The following ZNF577 variants were observed in gnomAD, a reference collection of about 807,000 sequenced individuals.
The protein encoded by ZNF577 is zinc finger protein 577.
A neutral mutation model predicts 13.9 loss-of-function variants in ZNF577; 14 were observed. The observed-to-expected ratio is 1.00, with a 90% CI of 0.66 to 1.57. The LOEUF (loss-of-function observed/expected upper bound fraction) is 1.57. Ranked by LOEUF, ZNF577 falls within the 40% of genes most tolerant of loss-of-function variation. The pLI, the probability that ZNF577 is intolerant of heterozygous loss-of-function variation, is 0.00. For missense variants in ZNF577, 555 were observed against 579.2 expected (o/e 0.96, Z 0.43); for synonymous variants, 203 against 202.9 (o/e 1.00, Z 0.00).
chr19:51,847,850 C>G (rs138132571), intron 5 of ZNF577, among the ~76,000 whole-genome samples: 2 of 152,190 alleles, frequency 1.3e-5, no homozygotes, highest in Non-Finnish European at 2.9e-5. Context: ...AGCTTCCATA[C>G]GTCATTTCCT....
chr19:51,851,647 CACACAGACCCTA>C (rs1339606940), intron 5 of ZNF577, among the ~76,000 whole-genome samples: 3 of 152,100 alleles, frequency 2.0e-5, no homozygotes, highest in Admixed American at 1.3e-4. Context: ...CACCTTATTT[CACACAGACCCTA>C]ACACAGACTC....
At chr19:51,845,349 C>T (rs986866611) in intron 5 of ZNF577, among the ~76,000 whole-genome samples, 2 of 151,878 alleles carry the variant, frequency 1.3e-5, no homozygotes, top group African/African-American at 2.4e-5. Flanking sequence ...CCAAATTATC[C>T]GTGGTGGTGT....
chr19:51,878,616 T>C lies in ZNF577; in HGVS notation c.61-101A>G, dbSNP rs1466772368. The C allele has an allele frequency of 6.3e-6, 9 of 1,427,076 alleles. No individual in the cohort carries two copies. The East Asian group carries it at 9.2e-5, about 15-fold the overall frequency. The allele number at this position is 1,427,076 out of a possible 1,614,324, so 88.4% of individuals were successfully genotyped here. A position where few individuals can be genotyped will look rare whatever the true frequency, so the allele number is the denominator to read the frequency against. ...TGATCCTTTTCTCCATGACAACGTA[T>C]GCACACCATGGCTATTTCACATACC... On this transcript the variant is annotated intron_variant, in intron 3 of 5. Transcript: ENST00000638348.
intron 9 of ZNF577, among the ~76,000 whole-genome samples, chr19:51,813,398 C>T (rs1187167132): frequency 6.6e-6 from 1 of 152,012 alleles, no homozygotes; most frequent in African/African-American, 2.4e-5. Context: ...TTGGTATGAG[C>T]AACCTCATTT....
At chr19:51,842,274 C>T (rs1440759150) in intron 8 of ZNF577, among the ~76,000 whole-genome samples, 1 of 152,056 alleles carries the variant, frequency 6.6e-6, no homozygotes, top group African/African-American at 2.4e-5. Flanking sequence ...CTGATGTGTC[C>T]CCCAAAACTC....
intron 9 of ZNF577, among the ~76,000 whole-genome samples, chr19:51,812,926 G>C (rs770352119): frequency 7.9e-5 from 12 of 152,106 alleles, no homozygotes; most frequent in Non-Finnish European, 1.8e-4. Context: ...TTTGAGACCA[G>C]CCTGGCCAAC....
intron 9 of ZNF577, chr19:51,823,782 A>G: frequency 6.2e-7 from 1 of 1,608,418 alleles, no homozygotes; most frequent in Non-Finnish European, 8.5e-7. Context: ...TCTGAATGAA[A>G]CTGAGGAGGT....
Position 51,836,792 on chromosome 19 carries a change from C to G in ZNF577, c.*599+3101G>C, listed in dbSNP as rs2084289467. ...GGTGCAGTAGCTCACGCCTGTAATA[C>G]CAGCACTTTGGGAGGCTGCGGCGGG... On this transcript the variant is annotated intron_variant and NMD_transcript_variant, in intron 9 of 10. Transcript: ENST00000638827. Among the ~76,000 whole-genome samples, 2 of 152,104 alleles carry G rather than the reference C, an allele frequency of 1.3e-5. 1 individual carries two copies. The highest frequency in any genetic ancestry group is 1.3e-4 in the Admixed American group (2 of 15,278).
At chr19:51,847,058 C>G (rs2084356566) in intron 5 of ZNF577, among the ~76,000 whole-genome samples, 1 of 151,964 alleles carries the variant, frequency 6.6e-6, no homozygotes, top group African/African-American at 2.4e-5. Context: ...GGTATCTTGC[C>G]CAAAGTCACA....
intron 9 of ZNF577, among the ~76,000 whole-genome samples, chr19:51,811,830 G>A (rs961984449): frequency 1.3e-5 from 2 of 152,184 alleles, no homozygotes; most frequent in Non-Finnish European, 2.9e-5. Context: ...GGGAGTAGTC[G>A]TGAGTTTGCC....
intron 9 of ZNF577, among the ~76,000 whole-genome samples, chr19:51,821,969 T>C (rs2084193238): frequency 6.6e-6 from 1 of 152,202 alleles, no homozygotes; most frequent in Admixed American, 6.5e-5. Flanking sequence ...TAAAAATCAC[T>C]GTAGCTTTTA....
At chr19:51,827,976 C>T (rs1271355721) in intron 9 of ZNF577, among the ~76,000 whole-genome samples, 1 of 152,068 alleles carries the variant, frequency 6.6e-6, no homozygotes, top group Non-Finnish European at 1.5e-5. Flanking sequence ...AGGCAGAGCA[C>T]TTTGCGCATT....
chr19:51,807,850 C>T (rs2084070388), intron 10 of ZNF577, among the ~76,000 whole-genome samples: 1 of 152,182 alleles, frequency 6.6e-6, no homozygotes, highest in African/African-American at 2.4e-5. Flanking sequence ...GGATCATATC[C>T]TGTAAGCATT....
chr19:51,822,789 G>A (rs887681657), intron 9 of ZNF577, among the ~76,000 whole-genome samples: 6 of 152,158 alleles, frequency 3.9e-5, no homozygotes, highest in African/African-American at 1.2e-4. Flanking sequence ...AAAAGCAGAC[G>A]GGAGAAAGTA....
rs1185195948 is a variant in ZNF577, at chr19:51,824,764, C to A, written c.*600-13090G>T. On this transcript the variant is annotated intron_variant and NMD_transcript_variant, in intron 9 of 10. Coordinates refer to the ZNF577 transcript ENST00000638827. This position sits in a 1 kb window ranked among gnomAD's most constrained non-coding sequence, Gnocchi z 4.7. The stretch of plus-strand genomic sequence containing the variant: ...TCAGCCCAGACCAGCAACACAGACA[C>A]CACTTCTGCTTCACCTCCTGAGGAG... The A allele has an allele frequency of 6.2e-7, 1 of 1,613,904 alleles. No homozygotes were observed. Among genetic ancestry groups the A allele is most frequent in the East Asian group, 2.2e-5 (1 of 44,824 alleles).
At chr19:51,820,674 T>C (rs1304940525) in intron 9 of ZNF577, among the ~76,000 whole-genome samples, 1 of 152,222 alleles carries the variant, frequency 6.6e-6, no homozygotes, top group Non-Finnish European at 1.5e-5. Context: ...CTGAGTCTGT[T>C]GAGGAACTAG....
intron 9 of ZNF577, among the ~76,000 whole-genome samples, chr19:51,831,710 A>C (rs1386597928): frequency 6.6e-6 from 1 of 152,050 alleles, no homozygotes; most frequent in Non-Finnish European, 1.5e-5. Flanking sequence ...ATCTGAATCC[A>C]CTATCTGACT....
chr19:51,880,229 T>C, intron 3 of ZNF577, 94 bp downstream of exon 3: 1 of 1,313,690 alleles, frequency 7.6e-7, no homozygotes, highest in East Asian at 2.3e-5. Context: ...ATCCCATGCC[T>C]TTATTACAAG....
downstream of ZNF577, chr19:51,804,708 G>A (rs552600899): frequency 1.2e-4 from 18 of 152,108 alleles, no homozygotes; most frequent in Non-Finnish European, 2.4e-4. Context: ...TCGAGCACCC[G>A]ATTCTGTGGC....
Sources: allele counts gnomAD v4.1 joint callset (sites outside exome capture counted in the v4.1 genomes callset), GRCh38; gene constraint gnomAD v4.1.1; non-coding constraint Gnocchi (gnomAD v3.1); transcripts MANE v1.5; gene names NCBI Gene and HGNC (gene_info 2026-07-23, HGNC 2026-07-21).